The following HHIP variants were observed in gnomAD, a reference collection of about 807,000 sequenced individuals.
HHIP encodes the protein hedgehog interacting protein.
In HHIP, 12 loss-of-function variants were observed where a neutral mutation model predicts 74.0. The ratio of observed to expected loss-of-function variants is 0.16; its 90% CI spans 0.10 to 0.26. HHIP has a LOEUF of 0.26. Ranked by LOEUF, HHIP falls within the 10% of genes least tolerant of loss-of-function variation. HHIP has a pLI of 1.00. For synonymous variants in HHIP, 309 were observed against 311.6 expected (o/e 0.99, Z 0.09); for missense variants, 788 against 845.0 (o/e 0.93, Z 0.84).
Position 144,715,426 on chromosome 4 carries a change from A to C in HHIP, c.1674A>C (p.Glu558Asp), listed in dbSNP as rs199731773. The C allele has an allele frequency of 2.5e-6, 4 of 1,613,074 alleles. No individual in the cohort carries two copies. Among genetic ancestry groups the C allele is most frequent in the Non-Finnish European group, 3.4e-6 (4 of 1,179,348 alleles). Residue 558 changes from glutamate (E) to aspartate (D), a missense_variant, in exon 10 of 13, where the codon GAA becomes GAC. Physicochemically the swap from Glu to Asp is conservative, Grantham distance 45. Coordinates refer to ENST00000296575, the MANE Select transcript of HHIP (RefSeq NM_022475.3). ...ACATCTTGGGATTTGGAGAAGATGA[A>C]CTAGGTACTGTACAATCTAGTTCTG... is the stretch of plus-strand genomic sequence containing the variant. The part of the protein sequence containing the change: ...SGHILGFGED[E>D]LGEVYILSSS...
intron 5 of HHIP, 54 bp from the exon 6 acceptor site, chr4:144,707,033 G>A (rs1035590374): frequency 1.0e-5 from 15 of 1,440,068 alleles, no homozygotes; most frequent in Non-Finnish European, 1.3e-5. Flanking sequence ...CTTTCTGATG[G>A]ACTCATCTTA....
chr4:144,711,336 AT>A (rs2126659917), intron 7 of HHIP, among the ~76,000 whole-genome samples: 1 of 151,992 alleles, frequency 6.6e-6, no homozygotes, highest in South Asian at 2.1e-4. Flanking sequence ...TTTTTATGTT[AT>A]TTTACCTTAA....
At chr4:144,658,194 C>CAATA (rs1481420903) in intron 2 of HHIP, among the ~76,000 whole-genome samples, 1 of 152,072 alleles carries the variant, frequency 6.6e-6, no homozygotes, top group Non-Finnish European at 1.5e-5. Context: ...GACATCAATG[C>CAATA]AATAGCAAGA....
chr4:144,737,355 C>T (rs565134315), intron 12 of HHIP, among the ~76,000 whole-genome samples: 3 of 152,280 alleles, frequency 2.0e-5, no homozygotes, highest in African/African-American at 7.2e-5. Context: ...GCCTCTGTGT[C>T]TCCCCCTCAG....
chr4:144,668,688 G>T (rs1438351183), intron 4 of HHIP, among the ~76,000 whole-genome samples: 2 of 152,032 alleles, frequency 1.3e-5, no homozygotes, highest in Non-Finnish European at 2.9e-5. Context: ...GGAGGCAGAC[G>T]GTGCAGTGAG....
At chr4:144,728,896 G>A (rs1402633731) in intron 11 of HHIP, among the ~76,000 whole-genome samples, 1 of 152,106 alleles carries the variant, frequency 6.6e-6, no homozygotes, top group Admixed American at 6.6e-5. Flanking sequence ...TTTTAAAGCT[G>A]CCTACAAAAT....
intron 4 of HHIP, among the ~76,000 whole-genome samples, chr4:144,662,185 C>A (rs1342508065): frequency 6.6e-6 from 1 of 152,166 alleles, no homozygotes; most frequent in African/African-American, 2.4e-5. Context: ...GGAGTGATTT[C>A]TGTCACATGG....
At chr4:144,706,264 A>G (rs1247581927) in intron 4 of HHIP, among the ~76,000 whole-genome samples, 1 of 152,204 alleles carries the variant, frequency 6.6e-6, no homozygotes, top group Non-Finnish European at 1.5e-5. Flanking sequence ...GCCCAAGATT[A>G]CATACACAAA....
At chr4:144,720,208 A>T (rs1179355132) in intron 11 of HHIP, among the ~76,000 whole-genome samples, 5 of 152,186 alleles carry the variant, frequency 3.3e-5, no homozygotes, top group Non-Finnish European at 7.3e-5. Flanking sequence ...AAAAGCAAAG[A>T]TAAATGAAAA....
intron 4 of HHIP, among the ~76,000 whole-genome samples, chr4:144,668,463 C>G (rs746671878): frequency 4.0e-5 from 6 of 150,928 alleles, no homozygotes; most frequent in Non-Finnish European, 7.4e-5. Context: ...TGCAAGAATA[C>G]ATAAGTGGGG....
chr4:144,674,744 C>T (rs1729130007), intron 4 of HHIP, among the ~76,000 whole-genome samples: 1 of 152,172 alleles, frequency 6.6e-6, no homozygotes, highest in Admixed American at 6.5e-5. Flanking sequence ...GACGTTTGTT[C>T]TCAGCATAAA....
At chr4:144,660,233 T>C (rs1728675806) in intron 4 of HHIP, 2 of 258,010 alleles carry the variant, frequency 7.8e-6, no homozygotes, top group Non-Finnish European at 1.4e-5. Context: ...TCACCATCTC[T>C]GTTTTTGAGT....
At chr4:144,689,659 T>C (rs1404625545) in intron 4 of HHIP, among the ~76,000 whole-genome samples, 1 of 152,238 alleles carries the variant, frequency 6.6e-6, no homozygotes, top group Non-Finnish European at 1.5e-5. Context: ...CATTATTTGT[T>C]ACTATCAGAG....
At chr4:144,651,598 T>G (rs1728429853) in intron 1 of HHIP, among the ~76,000 whole-genome samples, 2 of 152,062 alleles carry the variant, frequency 1.3e-5, no homozygotes, top group South Asian at 2.1e-4. Flanking sequence ...GGAAAAGGTA[T>G]AAAATTCAAT....
intron 4 of HHIP, among the ~76,000 whole-genome samples, chr4:144,666,708 C>G (rs747446136): frequency 4.6e-5 from 7 of 152,156 alleles, no homozygotes; most frequent in Non-Finnish European, 1.0e-4. Context: ...GAAAACAAGA[C>G]TGGTGATGGT....
intron 11 of HHIP, among the ~76,000 whole-genome samples, chr4:144,722,855 CAA>C (rs963174886): frequency 7.1e-6 from 1 of 140,656 alleles, no homozygotes. Flanking sequence ...GACTCTGTTT[CAA>C]AAAAAAAAAG....
At chr4:144,680,528 A>G (rs989586746) in intron 4 of HHIP, among the ~76,000 whole-genome samples, 1 of 152,196 alleles carries the variant, frequency 6.6e-6, no homozygotes, top group African/African-American at 2.4e-5. Context: ...GCTCAGAAGA[A>G]TAATCTATTT....
intron 11 of HHIP, among the ~76,000 whole-genome samples, chr4:144,726,811 C>T (rs1036472564): frequency 2.0e-5 from 3 of 152,150 alleles, no homozygotes; most frequent in African/African-American, 7.2e-5. Flanking sequence ...TACTGGGTTT[C>T]CCTCTCTCTC....
At chr4:144,664,681 G>A (rs896614835) in intron 4 of HHIP, among the ~76,000 whole-genome samples, 3 of 152,096 alleles carry the variant, frequency 2.0e-5, no homozygotes, top group African/African-American at 4.8e-5. Flanking sequence ...TGCTTCCCCA[G>A]AAAAACTGCT....
Sources: gnomAD v4.1 joint callset for allele counts (sites outside exome capture counted in the v4.1 genomes callset) on GRCh38, gnomAD v4.1.1 for gene constraint, MANE v1.5 for transcripts, NCBI Gene and HGNC (gene_info 2026-07-23, HGNC 2026-07-21) for gene names.